Variants in DYNC2I1 observed in about 807,000 individuals in gnomAD.
DYNC2I1 encodes dynein 2 intermediate chain 1, also known as cytoplasmic dynein 2 intermediate chain 1.
In DYNC2I1, 89 loss-of-function variants were observed where a neutral mutation model predicts 133.4. The ratio of observed to expected loss-of-function variants is 0.67; its 90% CI spans 0.56 to 0.80. DYNC2I1 has a LOEUF of 0.80. Ranked by LOEUF, DYNC2I1 falls within the 30% of genes least tolerant of loss-of-function variation. DYNC2I1 has a pLI of 0.00. For missense variants in DYNC2I1, 1,291 were observed against 1,314.5 expected (o/e 0.98, Z 0.28); for synonymous variants, 504 against 484.3 (o/e 1.04, Z -0.54).
At chr7:158,937,675 A>C (rs972513687) in intron 23 of DYNC2I1, among the ~76,000 whole-genome samples, 1 of 148,188 alleles carries the variant, frequency 6.7e-6, no homozygotes, top group African/African-American at 2.5e-5. Flanking sequence ...CTGTAATCCC[A>C]GCATTTGGGA....
chr7:158,843,587 G>C, the DYNC2I1 span, among the ~76,000 whole-genome samples: 1 of 152,016 alleles, frequency 6.6e-6, no homozygotes, highest in Admixed American at 6.6e-5. Flanking sequence ...GTAGAGATGA[G>C]GTTTTGCTAT....
intron 5 of DYNC2I1, among the ~76,000 whole-genome samples, chr7:158,882,843 T>C (rs1378946252): frequency 1.4e-5 from 2 of 144,858 alleles, no homozygotes; most frequent in African/African-American, 5.2e-5. Flanking sequence ...GCCACTGCAC[T>C]CCAGACTGGA....
At chr7:158,936,778 TTG>T (rs996586225) in intron 23 of DYNC2I1, among the ~76,000 whole-genome samples, 1 of 152,172 alleles carries the variant, frequency 6.6e-6, no homozygotes, top group Non-Finnish European at 1.5e-5. Context: ...AGACTTCCCT[TTG>T]AGACTTCCCT....
chr7:158,842,143 C>T, the DYNC2I1 span, among the ~76,000 whole-genome samples: 1 of 152,218 alleles, frequency 6.6e-6, no homozygotes, highest in Non-Finnish European at 1.5e-5. Context: ...ATTCTCCTGC[C>T]TCAGCCTCCT....
At chr7:158,925,744 A>C (rs1849545885) in intron 17 of DYNC2I1, among the ~76,000 whole-genome samples, 1 of 152,006 alleles carries the variant, frequency 6.6e-6, no homozygotes, top group African/African-American at 2.4e-5. Flanking sequence ...GTGTGTGCGG[A>C]GGTCTCCCCC....
At chr7:158,861,461 G>C (rs943145723) in intron 1 of DYNC2I1, among the ~76,000 whole-genome samples, 12 of 152,130 alleles carry the variant, frequency 7.9e-5, no homozygotes, top group Non-Finnish European at 2.9e-5. Context: ...CGTCCCGCCT[G>C]CAGTTACTGA....
In DYNC2I1 at chr7:158,926,448, G is replaced by C; in HGVS notation, c.2418G>C (p.Gly806=). The change falls in exon 19 of 25, where the codon GGG becomes GGC. Residue 806 remains glycine (G), a synonymous_variant. Transcript: ENST00000407559. ...SFHIASLDES[G]VLNVWVVVEL... The stretch of plus-strand genomic sequence containing the variant: ...ACATCGCTTCCTTGGATGAGAGTGG[G>C]GTTCTCAATGTATGGGTGAGTAGTG... 3.1e-6 allele frequency: 5 copies of C among 1,613,322 alleles called. No homozygotes were observed. Among genetic ancestry groups the C allele is most frequent in the Non-Finnish European group, 4.2e-6 (5 of 1,179,610 alleles).
intron 8 of DYNC2I1, among the ~76,000 whole-genome samples, chr7:158,893,309 T>C (rs1208979165): frequency 6.6e-6 from 1 of 152,094 alleles, no homozygotes; most frequent in Non-Finnish European, 1.5e-5. Context: ...CTTTCCAGAG[T>C]GTCTTATACA....
chr7:158,880,255 G>A (rs542482832), intron 5 of DYNC2I1, among the ~76,000 whole-genome samples: 1 of 152,174 alleles, frequency 6.6e-6, no homozygotes, highest in East Asian at 1.9e-4. Context: ...TTTGAAATTT[G>A]GCCAGGCGCG....
At chr7:158,868,551 C>G (rs1009391804) in intron 1 of DYNC2I1, among the ~76,000 whole-genome samples, 1 of 152,220 alleles carries the variant, frequency 6.6e-6, no homozygotes, top group South Asian at 2.1e-4. Flanking sequence ...ATCTGCGCAG[C>G]CCCAGCTCTG....
At chr7:158,883,218 C>CTTTTTT (rs201980757) in intron 5 of DYNC2I1, among the ~76,000 whole-genome samples, 1 of 134,398 alleles carries the variant, frequency 7.4e-6, no homozygotes, top group East Asian at 2.2e-4. Context: ...TTTTCTTCTT[C>CTTTTTT]TTTTTTTTTT....
intron 8 of DYNC2I1, among the ~76,000 whole-genome samples, chr7:158,893,142 G>T (rs996623878): frequency 2.6e-5 from 4 of 152,068 alleles, no homozygotes; most frequent in African/African-American, 9.7e-5. Flanking sequence ...TAAACATTCT[G>T]TGGGTTTGGA....
rs1349265814 is a variant in DYNC2I1, at chr7:158,927,082, A to G, written c.2485+39A>G. 6 of 1,444,786 alleles carry G rather than the reference A, an allele frequency of 4.2e-6. No homozygotes were observed. The African/African-American group carries it at 5.7e-5, about 14-fold the overall frequency. The allele number at this position is 1,444,786 out of a possible 1,614,324, so 89.5% of individuals were successfully genotyped here. A position where few individuals can be genotyped will look rare whatever the true frequency, so the allele number is the denominator to read the frequency against. On this transcript the variant is annotated intron_variant, in intron 20 of 24. Coordinates refer to ENST00000407559, the MANE Select transcript of DYNC2I1 (RefSeq NM_018051.5). ...AAAAAAATTAATTTTAGTGTTTTCT[A>G]AAATGAATCGAGATTAAAAGTACTG...
chr7:158,859,232 C>A (rs560764291), intron 1 of DYNC2I1, among the ~76,000 whole-genome samples: 1 of 151,488 alleles, frequency 6.6e-6, no homozygotes, highest in Non-Finnish European at 1.5e-5. Flanking sequence ...CCTTATTATA[C>A]TGATAGATTG....
chr7:158,912,704 T>G (rs1847607409), intron 12 of DYNC2I1, among the ~76,000 whole-genome samples: 1 of 152,232 alleles, frequency 6.6e-6, no homozygotes. Context: ...TATGTAGTTT[T>G]GCAAAACCAG....
At chr7:158,923,211 T>C (rs1043930412) in intron 16 of DYNC2I1, among the ~76,000 whole-genome samples, 1 of 152,224 alleles carries the variant, frequency 6.6e-6, no homozygotes, top group Admixed American at 6.5e-5. Context: ...ATTGTAACTT[T>C]TGTAATACAA....
chr7:158,910,918 G>A (rs1847387939), intron 11 of DYNC2I1, among the ~76,000 whole-genome samples: 1 of 150,310 alleles, frequency 6.7e-6, no homozygotes, highest in African/African-American at 2.5e-5. Flanking sequence ...AGGCCTGTGG[G>A]AGGAGTGCGA....
the DYNC2I1 span, among the ~76,000 whole-genome samples, chr7:158,840,409 A>C: frequency 6.6e-6 from 1 of 152,090 alleles, no homozygotes; most frequent in African/African-American, 2.4e-5. Flanking sequence ...TCTAGGAAAA[A>C]TACAAAACTT....
intron 6 of DYNC2I1, among the ~76,000 whole-genome samples, chr7:158,886,104 A>G (rs1043057560): frequency 6.6e-6 from 1 of 151,068 alleles, no homozygotes; most frequent in Non-Finnish European, 1.5e-5. Context: ...CAGATAGACC[A>G]ATAAAATTAT....
Sources: gnomAD v4.1 joint callset for allele counts (sites outside exome capture counted in the v4.1 genomes callset) on GRCh38, gnomAD v4.1.1 for gene constraint, MANE v1.5 for transcripts, NCBI Gene and HGNC (gene_info 2026-07-23, HGNC 2026-07-21) for gene names.